Variants in CNBD1 observed in about 807,000 individuals in gnomAD.
CNBD1 encodes the protein cyclic nucleotide-binding domain-containing protein 1.
Under a neutral mutation model 54.4 loss-of-function variants are expected in CNBD1, and 71 were observed. The ratio of observed to expected loss-of-function variants is 1.30; its 90% CI spans 1.08 to 1.59. CNBD1 has a LOEUF of 1.59. Among genes scored for constraint, CNBD1 ranks in the 40% most tolerant of loss-of-function variants. The pLI is 0.00. For missense variants in CNBD1, 659 were observed against 518.0 expected, an observed-to-expected ratio of 1.27 and a Z score of -2.64; for synonymous variants, 182 against 170.7, an observed-to-expected ratio of 1.07 and a Z score of -0.51.
intron 4 of CNBD1, among the ~76,000 whole-genome samples, chr8:87,189,752 T>G (rs1055338780): frequency 2.0e-5 from 3 of 152,182 alleles, no homozygotes; most frequent in African/African-American, 7.2e-5. Context: ...AAACTGATAA[T>G]GATCAGCATT....
chr8:87,361,218 T>C (rs536144705), intron 10 of CNBD1, among the ~76,000 whole-genome samples: 65 of 152,114 alleles, frequency 4.3e-4, no homozygotes, highest in African/African-American at 1.3e-3. Context: ...TCTCCTCTTA[T>C]AATTTGTTAT....
In CNBD1 at chr8:86,995,305, C is replaced by T. The variant is rs371201828; in HGVS notation, c.431+55551C>T. Among the ~76,000 whole-genome samples, 7 of 152,268 alleles carry T rather than the reference C, an allele frequency of 4.6e-5. No homozygotes were observed. In the South Asian group the frequency reaches 6.2e-4, roughly 14 times the overall value. On this transcript the variant is annotated intron_variant, in intron 4 of 10. Transcript: ENST00000518476. Reference sequence around the variant, plus strand: ...GGGGCAGGCATGCTTTTAATTTAAACGTTAAGATAGTAAATGTCTGTTGCA... The same window carrying T: ...GGGGCAGGCATGCTTTTAATTTAAATGTTAAGATAGTAAATGTCTGTTGCA...
At chr8:87,061,548 C>G (rs1810547938) in intron 4 of CNBD1, among the ~76,000 whole-genome samples, 1 of 152,152 alleles carries the variant, frequency 6.6e-6, no homozygotes, top group Non-Finnish European at 1.5e-5. Context: ...GTTTTAATGG[C>G]ACTTCTTTCA....
intron 8 of CNBD1, among the ~76,000 whole-genome samples, chr8:87,350,018 G>C (rs184225177): frequency 6.6e-6 from 1 of 152,114 alleles, no homozygotes; most frequent in African/African-American, 2.4e-5. Flanking sequence ...GGATTTCTTT[G>C]GTACATGTTT....
At chr8:87,090,938 C>T (rs906935884) in intron 4 of CNBD1, among the ~76,000 whole-genome samples, 2 of 151,816 alleles carry the variant, frequency 1.3e-5, no homozygotes, top group Admixed American at 6.6e-5. Flanking sequence ...GTCAAGAGTT[C>T]GAGACAAGCC....
chr8:87,420,076 C>CA (rs1286451981), intron 2 of CNBD1, among the ~76,000 whole-genome samples: 1 of 151,498 alleles, frequency 6.6e-6, no homozygotes, highest in Non-Finnish European at 1.5e-5. Flanking sequence ...ATTCATTTAA[C>CA]AATAACAAAG....
At chr8:87,197,687 G>C (rs972185189) in intron 4 of CNBD1, among the ~76,000 whole-genome samples, 13 of 152,100 alleles carry the variant, frequency 8.5e-5, no homozygotes, top group African/African-American at 2.9e-4. Flanking sequence ...AAAGATTATA[G>C]TAGTTATATA....
At chr8:87,379,961 C>G (rs1811040791) in intron 10 of CNBD1, among the ~76,000 whole-genome samples, 1 of 151,710 alleles carries the variant, frequency 6.6e-6, no homozygotes, top group Non-Finnish European at 1.5e-5. Flanking sequence ...AAACATTTAC[C>G]AAGTGGTAAA....
intron 10 of CNBD1, among the ~76,000 whole-genome samples, chr8:87,382,386 C>T (rs774708165): frequency 3.9e-4 from 59 of 151,866 alleles, no homozygotes; most frequent in Non-Finnish European, 7.2e-4. Flanking sequence ...CAAATCACTC[C>T]ATATAATTAT....
chr8:87,073,954 T>C (rs1439948174), intron 4 of CNBD1, among the ~76,000 whole-genome samples: 1 of 151,670 alleles, frequency 6.6e-6, no homozygotes, highest in Non-Finnish European at 1.5e-5. Context: ...ACAAAAAAAT[T>C]AGCCAGGCGT....
chr8:87,336,710 C>T (rs546762949), intron 8 of CNBD1, among the ~76,000 whole-genome samples: 1 of 152,182 alleles, frequency 6.6e-6, no homozygotes, highest in Non-Finnish European at 1.5e-5. Context: ...ATTCTTCCAT[C>T]TTATCCCCTG....
At chr8:86,951,191 G>C (rs144786003) in intron 4 of CNBD1, among the ~76,000 whole-genome samples, 1 of 152,026 alleles carries the variant, frequency 6.6e-6, no homozygotes, top group Non-Finnish European at 1.5e-5. Context: ...TATTAAATTC[G>C]TAGTTATTTA....
chr8:87,025,825 C>A (rs1809631769), intron 4 of CNBD1, among the ~76,000 whole-genome samples: 2 of 152,108 alleles, frequency 1.3e-5, no homozygotes, highest in Non-Finnish European at 2.9e-5. Context: ...GTAATACTCA[C>A]CACGACTGTC....
rs1009559361 is a variant in CNBD1, at chr8:87,323,925, T to C, written c.1043-27760T>C. Among the ~76,000 whole-genome samples the C allele has an allele frequency of 3.0e-4, 42 of 138,552 alleles. 2 individuals carry two copies. The highest frequency in any genetic ancestry group is 6.1e-4 in the Non-Finnish European group (38 of 62,554). The allele number at this position is 138,552 out of a possible 152,430, so 90.9% of individuals were successfully genotyped here. On this transcript the variant is annotated intron_variant, in intron 8 of 10. Transcript: ENST00000518476. Reference sequence around the variant, plus strand: ...TCCAGTTTTTGCCCATTCAGTATGATATTGGCTGTGGGTTTGCCATAGATA... The same window carrying C: ...TCCAGTTTTTGCCCATTCAGTATGACATTGGCTGTGGGTTTGCCATAGATA...
At chr8:86,868,574 G>GC (rs11370386) in intron 1 of CNBD1, among the ~76,000 whole-genome samples, 86,186 of 151,810 alleles carry the variant, frequency 0.57, 24,782 homozygotes, top group African/African-American at 0.62. Context: ...CTCGTGATCT[G>GC]CCCCCCTCAG....
intron 4 of CNBD1, among the ~76,000 whole-genome samples, chr8:87,048,044 T>A (rs2130619696): frequency 6.6e-6 from 1 of 152,268 alleles, no homozygotes; most frequent in East Asian, 1.9e-4. Flanking sequence ...AGGCTTTGAC[T>A]TGAGTGTGAT....
intron 4 of CNBD1, among the ~76,000 whole-genome samples, chr8:87,171,053 A>G (rs559043697): frequency 1.3e-5 from 2 of 152,192 alleles, no homozygotes; most frequent in Admixed American, 1.3e-4. Flanking sequence ...GAAGTATTCC[A>G]TCCTCCTCTA....
chr8:87,390,409 C>A (rs190329098), intron 2 of CNBD1, among the ~76,000 whole-genome samples: 3,882 of 150,102 alleles, frequency 0.026, 58 homozygotes, highest in Non-Finnish European at 0.038. Context: ...CAAGAAAAAA[C>A]CCCATCAAAA....
chr8:87,191,387 C>A (rs1813606196), intron 4 of CNBD1, among the ~76,000 whole-genome samples: 1 of 152,128 alleles, frequency 6.6e-6, no homozygotes, highest in Non-Finnish European at 1.5e-5. Flanking sequence ...ATGGTGCCCA[C>A]CCAAATTGAG....
Sources: allele counts gnomAD v4.1 joint callset (sites outside exome capture counted in the v4.1 genomes callset), GRCh38; gene constraint gnomAD v4.1.1; transcripts MANE v1.5; gene names NCBI Gene and HGNC (gene_info 2026-07-23, HGNC 2026-07-21).